The following LPCAT4 variants were observed in gnomAD, a reference collection of about 807,000 sequenced individuals.
The protein encoded by LPCAT4 is lysophospholipid acyltransferase LPCAT4.
A neutral mutation model predicts 66.5 loss-of-function variants in LPCAT4; 30 were observed. The ratio of observed to expected loss-of-function variants is 0.45; its 90% CI spans 0.34 to 0.61. The LOEUF (loss-of-function observed/expected upper bound fraction) is 0.61. Ranked by LOEUF, LPCAT4 falls within the 20% of genes least tolerant of loss-of-function variation. The pLI is 0.01. For synonymous variants in LPCAT4, 253 were observed against 262.1 expected (o/e 0.97, Z 0.34); for missense variants, 557 against 656.7 (o/e 0.85, Z 1.66).
chr15:34,366,779 C>T, intron 1 of LPCAT4: 3 of 611,698 alleles, frequency 4.9e-6, no homozygotes, highest in South Asian at 3.7e-5. Flanking sequence ...CATCTTCGAG[C>T]TTGTCTATCG....
chr15:34,364,987 AC>A lies in LPCAT4; in HGVS notation c.478+20del. On this transcript the variant is annotated intron_variant, in intron 3 of 13. Coordinates refer to ENST00000314891, the MANE Select transcript of LPCAT4 (RefSeq NM_153613.3). Reference sequence around the variant, plus strand: ...GCCCAGAGTTGTCACCCTGCCCTTCACCCCCTTTGAACTCTCTCACCTCCAA... The same window carrying A: ...GCCCAGAGTTGTCACCCTGCCCTTCACCCCTTTGAACTCTCTCACCTCCAA... The A allele has an allele frequency of 6.3e-7, 1 of 1,587,772 alleles. No homozygotes were observed. The highest frequency in any genetic ancestry group is 8.6e-7 in the Non-Finnish European group (1 of 1,161,434).
chr15:34,366,993 C>A lies in LPCAT4; in HGVS notation c.108G>T (p.Arg36Ser). ...CCCGCTCCCCACACATTACCTTAAC[C>A]CTCTGGAGGCGAGAGAGATGTAACT... ...VHELHLSRLQ[R>S]VKFCLLGALL... The change falls in exon 1 of 14, where the codon AGG (arginine) becomes AGT (serine). Residue 36 changes from arginine to serine, a missense_variant. Arg to Ser is a moderately radical substitution (Grantham distance 110). This residue lies in a region of LPCAT4 where 94 missense variants were observed against 71.5 expected (regional missense o/e 1.32). Coordinates refer to ENST00000314891, the MANE Select transcript of LPCAT4 (RefSeq NM_153613.3). 3 of 1,562,792 alleles carry A rather than the reference C, an allele frequency of 1.9e-6. No homozygotes were observed. The highest frequency in any genetic ancestry group is 2.6e-6 in the Non-Finnish European group (3 of 1,151,950).
chr15:34,366,906 A>G, intron 1 of LPCAT4, 81 bp downstream of exon 1: 3 of 1,520,686 alleles, frequency 2.0e-6, no homozygotes, highest in Non-Finnish European at 2.7e-6. Context: ...GTGGATCCCC[A>G]AGCCCACCTT....
Position 34,363,898 on chromosome 15 carries a change from C to T in LPCAT4, c.652+115G>A. On this transcript the variant is annotated intron_variant, in intron 5 of 13. Coordinates refer to ENST00000314891, the MANE Select transcript of LPCAT4 (RefSeq NM_153613.3). This position sits in a 1 kb window ranked among gnomAD's most constrained non-coding sequence, Gnocchi z 4.3. ...CAGCATTAGCTAGGAGGTTCCTGGT[C>T]TCCCTTCCTCTCCCATCCCTCCCCC... 7.7e-7 allele frequency: 1 copy of T among 1,297,306 alleles called. No homozygotes were observed. Among genetic ancestry groups the T allele is most frequent in the Non-Finnish European group, 1.1e-6 (1 of 908,210 alleles). The allele number at this position is 1,297,306 out of a possible 1,614,324, so 80.4% of individuals were successfully genotyped here. A position where few individuals can be genotyped will look rare whatever the true frequency, so the allele number is the denominator to read the frequency against.
At chr15:34,365,281 G>T in intron 2 of LPCAT4, 53 bp from the exon 3 acceptor site, 1 of 1,526,116 alleles carries the variant, frequency 6.6e-7, no homozygotes, top group Non-Finnish European at 8.9e-7. Context: ...ACCCTCACCC[G>T]CCCCCAGGTT....
At chr15:34,361,661 T>C in intron 10 of LPCAT4, 129 bp from the exon 11 acceptor site, 1 of 1,061,414 alleles carries the variant, frequency 9.4e-7, no homozygotes. Context: ...TAAGATGTAC[T>C]GACTCACAGT....
chr15:34,364,312 G>C lies in LPCAT4; in HGVS notation c.479-6C>G, dbSNP rs1483200661. ...TTGGTTGAATCGAAGAAGGGCTGGG[G>C]TTGGGAAGGATACAAAGAGGAATCA... On this transcript the variant is annotated splice_region_variant and splice_polypyrimidine_tract_variant and intron_variant, in intron 3 of 13. Transcript: ENST00000314891. 6.3e-7 allele frequency: 1 copy of C among 1,597,592 alleles called. No homozygotes were observed.
chr15:34,360,184 C>G lies in LPCAT4; in HGVS notation c.1169G>C (p.Arg390Pro). Residue 390 changes from arginine (R) to proline (P), a missense_variant, in exon 12 of 14, where the codon CGA becomes CCA. By Grantham distance (103) the Arg-to-Pro change is moderately radical. Coordinates refer to ENST00000314891, the MANE Select transcript of LPCAT4 (RefSeq NM_153613.3). ...AGCTGCTAGTGCAAGGGCCACATCT[C>G]GGAAGTCCACCAAACCCTTGGTATC... is the stretch of plus-strand genomic sequence containing the variant. ...QQDTKGLVDFRDVALALAALD... is the reference protein window; with the variant it reads ...QQDTKGLVDFPDVALALAALD... The G allele has an allele frequency of 6.2e-7, 1 of 1,614,040 alleles. No individual in the cohort carries two copies. The highest frequency in any genetic ancestry group is 2.2e-5 in the East Asian group (1 of 44,866).
intron 10 of LPCAT4, 53 bp downstream of exon 10, chr15:34,362,143 T>TCTCTCC: frequency 6.3e-7 from 1 of 1,599,286 alleles, no homozygotes; most frequent in Non-Finnish European, 8.6e-7. Context: ...TCTTATTCTC[T>TCTCTCC]CTCTCTCTCT....
chr15:34,365,015 G>C lies in LPCAT4; in HGVS notation c.471C>G (p.Val157=). The C allele has an allele frequency of 6.2e-7, 1 of 1,608,834 alleles. No homozygotes were observed. The highest frequency in any genetic ancestry group is 8.5e-7 in the Non-Finnish European group (1 of 1,175,586). ...CCCTTTGAACTCTCTCACCTCCAAT[G>C]ACAGGAACGGAAAGGTTCTCAGCTC... is the stretch of plus-strand genomic sequence containing the variant. ...VSRAENLSVP[V]IGALLRFNQA... The change falls in exon 3 of 14, where the codon GTC becomes GTG. Residue 157 remains valine, a synonymous_variant. Transcript: ENST00000314891.
chr15:34,365,782 C>T, intron 1 of LPCAT4, 81 bp from the exon 2 acceptor site: 1 of 1,507,598 alleles, frequency 6.6e-7, no homozygotes, highest in Non-Finnish European at 9.0e-7. Flanking sequence ...AAGCATAGAC[C>T]CAGGAGCAGA....
chr15:34,366,881 A>T, intron 1 of LPCAT4, 106 bp downstream of exon 1: 1 of 1,492,366 alleles, frequency 6.7e-7, no homozygotes, highest in Non-Finnish European at 9.1e-7. Flanking sequence ...CAAGCCTCTC[A>T]GCCATCTCCT....
intron 13 of LPCAT4, 139 bp from the exon 14 acceptor site, chr15:34,359,441 T>C: frequency 7.5e-7 from 1 of 1,329,278 alleles, no homozygotes; most frequent in Non-Finnish European, 1.0e-6. Context: ...CCTCTCTTCC[T>C]TTCTAGCCTG....
Position 34,363,309 on chromosome 15 carries a change from C to A in LPCAT4, c.746+113G>T. 1 of 1,157,414 alleles carries A rather than the reference C, an allele frequency of 8.6e-7. No individual in the cohort carries two copies. Among genetic ancestry groups the A allele is most frequent in the Non-Finnish European group, 1.3e-6 (1 of 798,714 alleles). The allele number at this position is 1,157,414 out of a possible 1,614,324, so 71.7% of individuals were successfully genotyped here. Reference sequence around the variant, plus strand: ...AGTGGTGTCTCCTCTAGAGTTCTCTCAGTCCTCAGATGAAGAAGGGCCATT... The same window carrying A: ...AGTGGTGTCTCCTCTAGAGTTCTCTAAGTCCTCAGATGAAGAAGGGCCATT... On this transcript the variant is annotated intron_variant, in intron 7 of 13. Transcript: ENST00000314891. This position sits in a 1 kb window ranked among gnomAD's most constrained non-coding sequence, Gnocchi z 4.3.
chr15:34,359,855 G>T, intron 12 of LPCAT4, 110 bp from the exon 13 acceptor site: 1 of 1,177,622 alleles, frequency 8.5e-7, no homozygotes, highest in Non-Finnish European at 1.2e-6. Flanking sequence ...TGGTGCACAA[G>T]CCTTCCCTGA....
rs59218958 is a variant in LPCAT4, at chr15:34,364,590, A to ATTTTTTTTTTT, written c.479-295_479-285dup. 3.8e-4 allele frequency: 59 copies of ATTTTTTTTTTT among 155,962 alleles called. 1 individual carries two copies. The highest frequency in any genetic ancestry group is 1.7e-3 in the South Asian group (11 of 6,562). The allele number at this position is 155,962 out of a possible 1,614,324, so 9.7% of individuals were successfully genotyped here. ...AAGCATGGGCCACCACGCCCGGCTA[A>ATTTTTTTTTTT]TTTTTTTTTTTTTTTTACGCCCGGC... On this transcript the variant is annotated intron_variant, in intron 3 of 13. Transcript: ENST00000314891.
In LPCAT4 at chr15:34,361,430, C is replaced by A; in HGVS notation, c.1113G>T (p.Thr371=). The A allele has an allele frequency of 6.2e-7, 1 of 1,614,184 alleles. No individual in the cohort carries two copies. The part of the protein sequence containing the change: ...ARQLQLSDPQ[T]VAGAFGYFQQ... ...GGAAGTAGCCAAAGGCACCAGCCACCGTCTGAGGATCAGAGAGCTGTAGCT... is the reference window on the plus strand; with the variant it reads ...GGAAGTAGCCAAAGGCACCAGCCACAGTCTGAGGATCAGAGAGCTGTAGCT... The change falls in exon 11 of 14, where the codon ACG becomes ACT. Residue 371 remains threonine, a synonymous_variant. Transcript: ENST00000314891.
At chr15:34,361,330 G>A (rs891147684) in intron 11 of LPCAT4, 70 bp downstream of exon 11, 32 of 1,593,458 alleles carry the variant, frequency 2.0e-5, no homozygotes, top group African/African-American at 1.2e-4. Context: ...TGACTGATAC[G>A]GCCACTAGGA....
Position 34,359,724 on chromosome 15 carries a change from C to T in LPCAT4, c.1264G>A (p.Glu422Lys). ...TTGTACAGCAGGCGGTTGGGACCCT[C>T]TGCTTGCTCTTCAGCAAAGAGCTTG... ...AFELFAEEQA[E>K]GPNRLLYKDG... Residue 422 changes from glutamate to lysine, a missense_variant, in exon 13 of 14, where the codon GAG becomes AAG. Physicochemically the swap from Glu to Lys is moderately conservative, Grantham distance 56. Transcript: ENST00000314891. 1 of 1,613,354 alleles carries T rather than the reference C, an allele frequency of 6.2e-7. No individual in the cohort carries two copies. Among genetic ancestry groups the T allele is most frequent in the Non-Finnish European group, 8.5e-7 (1 of 1,179,854 alleles).
Sources: allele counts gnomAD v4.1 joint callset, GRCh38; gene constraint gnomAD v4.1.1; regional missense constraint gnomAD v4.1.1; non-coding constraint Gnocchi (gnomAD v3.1); transcripts MANE v1.5; gene names NCBI Gene and HGNC (gene_info 2026-07-23, HGNC 2026-07-21).